Variants in DAB2IP observed in about 807,000 individuals in gnomAD.
The protein encoded by DAB2IP is disabled homolog 2-interacting protein.
DAB2IP carries 28 observed loss-of-function variants against 107.2 expected under a neutral mutation model. The observed-to-expected ratio is 0.26, with a 90% CI of 0.19 to 0.36. DAB2IP has a LOEUF of 0.36. Ranked by LOEUF, DAB2IP falls within the 10% of genes least tolerant of loss-of-function variation. The probability of loss-of-function intolerance (pLI) is 1.00; values close to 1 mark genes in which losing one functional copy is unlikely to be tolerated. For synonymous variants in DAB2IP, 755 were observed against 706.4 expected (o/e 1.07, Z -1.09); for missense variants, 1,400 against 1,644.7 (o/e 0.85, Z 2.57).
chr9:121,662,678 A>C lies in DAB2IP; in HGVS notation c.124+10779A>C, dbSNP rs533863757. On this transcript the variant is annotated intron_variant, in intron 1 of 15. Coordinates refer to ENST00000408936, the Ensembl canonical transcript of DAB2IP. The surrounding 1 kb of genome is among the most constrained non-coding windows in gnomAD (Gnocchi z 4.6). ...ACTCTCTCTCCAGGCATAACTGGCC[A>C]CCTAAAGGTGGTGGGTATCCTGCCT... Among the ~76,000 whole-genome samples, 1 of 152,374 alleles carries C rather than the reference A, an allele frequency of 6.6e-6. No individual in the cohort carries two copies. Among genetic ancestry groups the C allele is most frequent in the African/African-American group, 2.4e-5 (1 of 41,598 alleles).
At chr9:121,594,323 C>T (rs1400122150) in intron 1 of DAB2IP, among the ~76,000 whole-genome samples, 2 of 150,516 alleles carry the variant, frequency 1.3e-5, no homozygotes, top group African/African-American at 4.9e-5. Context: ...CTGCAACCTT[C>T]ACTTCCCAGG....
At chr9:121,712,555 T>C (rs933907403) in intron 3 of DAB2IP, among the ~76,000 whole-genome samples, 5 of 152,184 alleles carry the variant, frequency 3.3e-5, no homozygotes, top group Non-Finnish European at 1.5e-5. Flanking sequence ...AAATCCCTTT[T>C]GATGGTGTTT....
At chr9:121,728,366 A>G (rs1831348007) in intron 3 of DAB2IP, among the ~76,000 whole-genome samples, 1 of 152,190 alleles carries the variant, frequency 6.6e-6, no homozygotes, top group Non-Finnish European at 1.5e-5. Flanking sequence ...GGCCATAGTG[A>G]GAACAGCAGA....
In DAB2IP at chr9:121,782,529, G is replaced by C. The variant is rs1039530208; in HGVS notation, c.*31G>C. 2 of 1,609,938 alleles carry C rather than the reference G, an allele frequency of 1.2e-6. No homozygotes were observed. The highest frequency in any genetic ancestry group is 1.7e-5 in the Admixed American group (1 of 59,872). On this transcript the variant is annotated 3_prime_UTR_variant, in exon 16 of 16. Coordinates refer to ENST00000408936, the Ensembl canonical transcript of DAB2IP. This position sits in a 1 kb window ranked among gnomAD's most constrained non-coding sequence, Gnocchi z 6.1. Reference sequence around the variant, plus strand: ...CTGAGGAGGGAGGAAGCTACCCAAGGAGAGGGGGACTATGGTGGCCAAGGG... The same window carrying C: ...CTGAGGAGGGAGGAAGCTACCCAAGCAGAGGGGGACTATGGTGGCCAAGGG...
upstream of DAB2IP, among the ~76,000 whole-genome samples, chr9:121,646,602 G>C (rs565733884): frequency 9.1e-4 from 137 of 151,206 alleles, 1 homozygote; most frequent in Non-Finnish European, 2.9e-5. Flanking sequence ...TGCCTGGCTG[G>C]GGACTTCCCC....
intron 3 of DAB2IP, among the ~76,000 whole-genome samples, chr9:121,723,201 G>T (rs930062536): frequency 6.6e-6 from 1 of 152,200 alleles, no homozygotes; most frequent in Non-Finnish European, 1.5e-5. Flanking sequence ...TTTCCCAGCA[G>T]TGCCACACAG....
chr9:121,760,526 T>C lies in DAB2IP; in HGVS notation c.1170+87T>C. 1 of 1,427,456 alleles carries C rather than the reference T, an allele frequency of 7.0e-7. No individual in the cohort carries two copies. The highest frequency in any genetic ancestry group is 9.2e-7 in the Non-Finnish European group (1 of 1,084,300). 88.4% of individuals were successfully genotyped at this position (1,427,456 alleles called of 1,614,324 possible). A position where few individuals can be genotyped will look rare whatever the true frequency, so the allele number is the denominator to read the frequency against. ...TCCTCACATCCGTACATTTCAGGCC[T>C]AACAGAGGCCTTGGAGGCACCGGTC... is the stretch of plus-strand genomic sequence containing the variant. On this transcript the variant is annotated intron_variant, in intron 6 of 15. Coordinates refer to ENST00000408936, the Ensembl canonical transcript of DAB2IP. This position sits in a 1 kb window ranked among gnomAD's most constrained non-coding sequence, Gnocchi z 5.9.
intron 3 of DAB2IP, among the ~76,000 whole-genome samples, chr9:121,706,192 C>T (rs1490133915): frequency 6.6e-6 from 1 of 152,232 alleles, no homozygotes; most frequent in Non-Finnish European, 1.5e-5. Context: ...TCCAGGGCAG[C>T]ATCTGCCTGG....
chr9:121,619,001 G>C (rs1256064538), intron 1 of DAB2IP, among the ~76,000 whole-genome samples: 1 of 152,194 alleles, frequency 6.6e-6, no homozygotes, highest in Non-Finnish European at 1.5e-5. Context: ...CAATTATGTG[G>C]TTGGGAGCCC....
intron 1 of DAB2IP, among the ~76,000 whole-genome samples, chr9:121,588,769 T>A (rs1335245070): frequency 6.6e-6 from 1 of 151,870 alleles, no homozygotes; most frequent in African/African-American, 2.4e-5. Flanking sequence ...TGTGCCAAAC[T>A]TTTATGACCC....
chr9:121,772,032 G>T lies in DAB2IP; in HGVS notation c.2079-575G>T, dbSNP rs545196411. On this transcript the variant is annotated intron_variant, in intron 11 of 15. Transcript: ENST00000408936. The surrounding 1 kb of genome is among the most constrained non-coding windows in gnomAD (Gnocchi z 4.7). ...AAGTGCAGCCCTCCCACCAAGTCATGCTCTCCACAGAGCCTGCTCTCATTC... is the reference window on the plus strand; with the variant it reads ...AAGTGCAGCCCTCCCACCAAGTCATTCTCTCCACAGAGCCTGCTCTCATTC... 5.4e-4 allele frequency among the ~76,000 whole-genome samples: 83 copies of T among 152,330 alleles called. 1 individual carries two copies. The highest frequency in any genetic ancestry group is 9.0e-4 in the Non-Finnish European group (61 of 68,022).
chr9:121,652,162 A>C (rs1422155003), intron 1 of DAB2IP, among the ~76,000 whole-genome samples: 3 of 152,068 alleles, frequency 2.0e-5, no homozygotes, highest in Non-Finnish European at 4.4e-5. Flanking sequence ...CGCATCTCAG[A>C]TCAGACCTCC....
At chr9:121,651,153 G>C (rs949885537), upstream of DAB2IP, among the ~76,000 whole-genome samples, 1 of 152,192 alleles carries the variant, frequency 6.6e-6, no homozygotes, top group African/African-American at 2.4e-5. The surrounding 1 kb of genome is among the most constrained non-coding windows in gnomAD (Gnocchi z 5.1). Flanking sequence ...TGTATCAGAC[G>C]GGACAACCTT....
chr9:121,576,659 A>G (rs1191854527), intron 1 of DAB2IP, among the ~76,000 whole-genome samples: 1 of 152,144 alleles, frequency 6.6e-6, no homozygotes, highest in African/African-American at 2.4e-5. Context: ...TGGGTGGGTA[A>G]AGAAAGAAGT....
intron 2 of DAB2IP, among the ~76,000 whole-genome samples, chr9:121,688,335 T>G (rs1828992097): frequency 6.6e-6 from 1 of 152,244 alleles, no homozygotes; most frequent in South Asian, 2.1e-4. Flanking sequence ...CACAAGGCTC[T>G]GCATCGGGAT....
chr9:121,764,458 C>G (rs908771232), intron 8 of DAB2IP, among the ~76,000 whole-genome samples: 2 of 152,256 alleles, frequency 1.3e-5, no homozygotes, highest in African/African-American at 4.8e-5. Context: ...CGGAATCAGT[C>G]CCGGAGAAAC....
At chr9:121,671,363 C>T (rs1271871830) in intron 1 of DAB2IP, among the ~76,000 whole-genome samples, 3 of 152,132 alleles carry the variant, frequency 2.0e-5, no homozygotes, top group African/African-American at 7.2e-5. Context: ...AAATTCTTAT[C>T]ATTAGATTAT....
chr9:121,728,514 A>C (rs868593999), intron 3 of DAB2IP, among the ~76,000 whole-genome samples: 28 of 152,298 alleles, frequency 1.8e-4, no homozygotes, highest in Non-Finnish European at 2.8e-4. Context: ...TATGCCTGCC[A>C]ATAGGGAACT....
chr9:121,745,625 A>G (rs901202305), intron 3 of DAB2IP, among the ~76,000 whole-genome samples: 3 of 72,858 alleles, frequency 4.1e-5, no homozygotes, highest in African/African-American at 1.6e-4. Context: ...AACTCTGCCC[A>G]GGATTGGGGC....
Sources: gnomAD v4.1 joint callset for allele counts (sites outside exome capture counted in the v4.1 genomes callset) on GRCh38, gnomAD v4.1.1 for gene constraint, Gnocchi (gnomAD v3.1) non-coding constraint, MANE v1.5 for transcripts, NCBI Gene and HGNC (gene_info 2026-07-23, HGNC 2026-07-21) for gene names.